The following ZNF385B variants were observed in gnomAD, a reference collection of about 807,000 sequenced individuals.
The protein encoded by ZNF385B is zinc finger protein 385B, also known as zinc finger protein 533.
Under a neutral mutation model 39.2 loss-of-function variants are expected in ZNF385B, and 23 were observed. The ratio of observed to expected loss-of-function variants is 0.59; its 90% CI spans 0.42 to 0.83. ZNF385B has a LOEUF of 0.83. ZNF385B is among the 40% of genes least tolerant of loss of function. ZNF385B has a pLI of 0.00. For missense variants in ZNF385B, 552 were observed against 598.9 expected (o/e 0.92, Z 0.82); for synonymous variants, 205 against 222.6 (o/e 0.92, Z 0.70).
intron 3 of ZNF385B, among the ~76,000 whole-genome samples, chr2:179,599,371 CAA>C (rs1160220640): frequency 1.3e-5 from 2 of 152,082 alleles, no homozygotes; most frequent in Non-Finnish European, 2.9e-5. Flanking sequence ...GCAATGGAAA[CAA>C]AGTGATAATT....
At chr2:179,569,992 G>T (rs1685031062) in intron 3 of ZNF385B, among the ~76,000 whole-genome samples, 1 of 151,968 alleles carries the variant, frequency 6.6e-6, no homozygotes. Flanking sequence ...TTCCAAATGG[G>T]GCCTGTCTTC....
At chr2:179,602,844 A>C (rs1372253353) in intron 3 of ZNF385B, among the ~76,000 whole-genome samples, 2 of 152,206 alleles carry the variant, frequency 1.3e-5, no homozygotes, top group African/African-American at 4.8e-5. Context: ...TGAAAGGTAC[A>C]TGCATTGCCA....
At chr2:179,807,396 G>A (rs903996463) in intron 1 of ZNF385B, among the ~76,000 whole-genome samples, 7 of 151,996 alleles carry the variant, frequency 4.6e-5, no homozygotes, top group African/African-American at 1.2e-4. Flanking sequence ...TCAAGAGTTC[G>A]AGACCAGCCT....
At chr2:179,606,166 A>G (rs1688783444) in intron 3 of ZNF385B, among the ~76,000 whole-genome samples, 1 of 152,196 alleles carries the variant, frequency 6.6e-6, no homozygotes, top group African/African-American at 2.4e-5. Flanking sequence ...ATCAGAGTTG[A>G]TAAAATGATC....
chr2:179,784,594 G>A (rs968968413), intron 1 of ZNF385B, among the ~76,000 whole-genome samples: 1 of 151,950 alleles, frequency 6.6e-6, no homozygotes, highest in African/African-American at 2.4e-5. Context: ...ACTCTCATAT[G>A]AAAACTTTAA....
At chr2:179,677,847 A>C (rs16866918) in intron 3 of ZNF385B, among the ~76,000 whole-genome samples, 2,073 of 152,258 alleles carry the variant, frequency 0.014, 52 homozygotes, top group African/African-American at 0.047. Flanking sequence ...TTTTTTTTAC[A>C]GAATTGTGTT....
At chr2:179,463,358 T>C (rs1192232917) in intron 6 of ZNF385B, among the ~76,000 whole-genome samples, 2 of 152,138 alleles carry the variant, frequency 1.3e-5, no homozygotes, top group East Asian at 3.8e-4. Flanking sequence ...ATTTCTTTTT[T>C]TTATTCTTAT....
chr2:179,463,714 G>A (rs1004997727), intron 6 of ZNF385B, among the ~76,000 whole-genome samples: 2 of 152,142 alleles, frequency 1.3e-5, no homozygotes, highest in African/African-American at 4.8e-5. Flanking sequence ...AGTATTCCAT[G>A]GTGTATATGT....
intron 1 of ZNF385B, among the ~76,000 whole-genome samples, chr2:179,800,250 G>A: frequency 6.6e-6 from 1 of 151,848 alleles, no homozygotes; most frequent in East Asian, 1.9e-4. Flanking sequence ...TTTTAAACAG[G>A]CATAAACTTT....
intron 4 of ZNF385B, 108 bp downstream of exon 4, chr2:179,544,719 T>C: frequency 7.3e-7 from 1 of 1,371,462 alleles, no homozygotes; most frequent in Non-Finnish European, 1.0e-6. Flanking sequence ...AACCAATATA[T>C]GGTCTAAAAT....
intron 3 of ZNF385B, among the ~76,000 whole-genome samples, chr2:179,741,542 C>T (rs1702087806): frequency 6.6e-6 from 1 of 151,998 alleles, no homozygotes; most frequent in Non-Finnish European, 1.5e-5. Context: ...ACATTCAGAT[C>T]CAGGATAGAA....
At chr2:179,815,334 C>T (rs373044281) in intron 1 of ZNF385B, among the ~76,000 whole-genome samples, 188 of 152,216 alleles carry the variant, frequency 1.2e-3, no homozygotes, top group African/African-American at 4.3e-3. Flanking sequence ...GTAATGGGAG[C>T]AGAACATTCA....
intron 3 of ZNF385B, among the ~76,000 whole-genome samples, chr2:179,609,132 G>A (rs145182010): frequency 2.5e-3 from 373 of 150,404 alleles, no homozygotes; most frequent in African/African-American, 8.6e-3. Context: ...GTAATCATTC[G>A]GTTGTGCTAT....
intron 3 of ZNF385B, among the ~76,000 whole-genome samples, chr2:179,708,798 G>A (rs1699798689): frequency 6.6e-6 from 1 of 152,178 alleles, no homozygotes; most frequent in Non-Finnish European, 1.5e-5. Context: ...CCAGGCAGGT[G>A]AGGGGGCATG....
At chr2:179,608,915 G>A (rs1459217856) in intron 3 of ZNF385B, among the ~76,000 whole-genome samples, 1 of 132,860 alleles carries the variant, frequency 7.5e-6, no homozygotes, top group Non-Finnish European at 1.6e-5. Context: ...CAAATGACCT[G>A]GCTTTATTTT....
At chr2:179,495,429 C>G (rs891694069) in intron 5 of ZNF385B, among the ~76,000 whole-genome samples, 1 of 152,194 alleles carries the variant, frequency 6.6e-6, no homozygotes, top group African/African-American at 2.4e-5. Context: ...ACTGGGGGAC[C>G]TCACCGCCCT....
chr2:179,627,605 T>C (rs895093470), intron 3 of ZNF385B, among the ~76,000 whole-genome samples: 13 of 152,124 alleles, frequency 8.5e-5, no homozygotes, highest in Admixed American at 2.6e-4. Flanking sequence ...AGAGTACACA[T>C]CTCTTCTCAA....
chr2:179,669,210 T>C (rs925872716), intron 3 of ZNF385B, among the ~76,000 whole-genome samples: 6 of 152,226 alleles, frequency 3.9e-5, no homozygotes, highest in African/African-American at 1.4e-4. Context: ...TACCCAAGGT[T>C]ACATAGCTAG....
At chr2:179,709,539 A>T (rs993391012) in intron 3 of ZNF385B, among the ~76,000 whole-genome samples, 3 of 152,188 alleles carry the variant, frequency 2.0e-5, no homozygotes, top group African/African-American at 7.2e-5. Flanking sequence ...CTGGAAATCA[A>T]CAGGCAGATG....
Sources: gnomAD v4.1 joint callset for allele counts (sites outside exome capture counted in the v4.1 genomes callset) on GRCh38, gnomAD v4.1.1 for gene constraint, MANE v1.5 for transcripts, NCBI Gene and HGNC (gene_info 2026-07-23, HGNC 2026-07-21) for gene names.